The following IFT74 variants were observed in gnomAD, a reference collection of about 807,000 sequenced individuals.
IFT74 encodes the protein intraflagellar transport 74, also known as intraflagellar transport protein 74 homolog.
In IFT74, 92 loss-of-function variants were observed where a neutral mutation model predicts 96.7. The observed-to-expected ratio is 0.95, with a 90% CI of 0.80 to 1.13. The LOEUF is 1.13. Ranked by LOEUF, IFT74 falls within the 50% of genes most tolerant of loss-of-function variation. The pLI, the probability that IFT74 is intolerant of heterozygous loss-of-function variation, is 0.00. For synonymous variants in IFT74, 223 were observed against 213.2 expected, an observed-to-expected ratio of 1.05 and a Z score of -0.40; for missense variants, 811 against 698.2, an observed-to-expected ratio of 1.16 and a Z score of -1.82.
chr9:27,044,797 TA>T lies in IFT74; in HGVS notation c.1108+4del. The T allele has an allele frequency of 6.7e-7, 1 of 1,485,438 alleles. No individual in the cohort carries two copies. Among genetic ancestry groups the T allele is most frequent in the Non-Finnish European group, 9.3e-7 (1 of 1,078,476 alleles). 92.0% of individuals were successfully genotyped at this position (1,485,438 alleles called of 1,614,324 possible). A position where few individuals can be genotyped will look rare whatever the true frequency, so the allele number is the denominator to read the frequency against. On this transcript the variant is annotated splice_donor_region_variant and intron_variant, in intron 14 of 19. Coordinates refer to ENST00000380062, the MANE Select transcript of IFT74 (RefSeq NM_025103.4). ...AGAAAAGGGAGGAACATATGGACAG[TA>T]AGTGATATTCTTGTAGATATAAAAA...
intron 9 of IFT74, among the ~76,000 whole-genome samples, chr9:27,010,265 A>G (rs1171303365): frequency 6.6e-6 from 1 of 152,102 alleles, no homozygotes; most frequent in Non-Finnish European, 1.5e-5. Context: ...CTGGTATTAC[A>G]GGCATGAGCC....
At position 26,975,595 on chromosome 9, in the gene IFT74, C is replaced by T. The variant is rs564733002; in HGVS notation, c.121-2533C>T. Among the ~76,000 whole-genome samples, 68 of 152,290 alleles carry T rather than the reference C, an allele frequency of 4.5e-4. 1 individual carries two copies. The highest frequency in any genetic ancestry group is 8.4e-4 in the Non-Finnish European group (57 of 68,032). ...GCGCTTGGCTGTTTATTTTTCCTGT[C>T]TTACGTGAAACATTTCCCATCTTGG... On this transcript the variant is annotated intron_variant, in intron 2 of 19. Coordinates refer to ENST00000380062, the MANE Select transcript of IFT74 (RefSeq NM_025103.4).
chr9:27,029,034 T>C lies in IFT74; in HGVS notation c.984T>C (p.Asp328=). 1 of 1,595,782 alleles carries C rather than the reference T, an allele frequency of 6.3e-7. No homozygotes were observed. Among genetic ancestry groups the C allele is most frequent in the Non-Finnish European group, 8.6e-7 (1 of 1,169,336 alleles). The change falls in exon 13 of 20, where the codon GAT becomes GAC. Residue 328 remains aspartate (D), a synonymous_variant. Coordinates refer to ENST00000380062, the MANE Select transcript of IFT74 (RefSeq NM_025103.4). ...EIASMERQLT[D]TKEKINQFIE... is the part of the protein sequence containing the mutation. ...AAAATATTTTCAACAGGTTAACAGA[T>C]ACAAAAGAAAAGATAAATCAGTTTA...
intron 4 of IFT74, among the ~76,000 whole-genome samples, chr9:26,981,392 A>G (rs922289124): frequency 2.6e-5 from 4 of 151,256 alleles, no homozygotes; most frequent in African/African-American, 9.7e-5. Flanking sequence ...GATTATAGGC[A>G]TAAGCTACCA....
At chr9:27,012,821 A>G (rs542771802) in intron 10 of IFT74, among the ~76,000 whole-genome samples, 2 of 141,142 alleles carry the variant, frequency 1.4e-5, no homozygotes, top group Non-Finnish European at 3.0e-5. Context: ...GGTTCACGCC[A>G]TTCTCCTGCC....
Position 27,044,903 on chromosome 9 carries a change from G to A in IFT74, c.1108+108G>A, listed in dbSNP as rs1463757435. On this transcript the variant is annotated intron_variant, in intron 14 of 19. Transcript: ENST00000380062. Reference sequence around the variant, plus strand: ...GCAGATATAATGGCTAATAAATGCAGAAGTGTGGACATTCAAAGCATTTTG... The same window carrying A: ...GCAGATATAATGGCTAATAAATGCAAAAGTGTGGACATTCAAAGCATTTTG... 8.4e-6 allele frequency: 5 copies of A among 592,760 alleles called. No individual in the cohort carries two copies. The Admixed American group carries it at 1.3e-4, about 16-fold the overall frequency. The allele number at this position is 592,760 out of a possible 1,614,324, so 36.7% of individuals were successfully genotyped here. A position where few individuals can be genotyped will look rare whatever the true frequency, so the allele number is the denominator to read the frequency against.
chr9:27,008,982 A>G (rs1172661817), intron 8 of IFT74, 38 bp from the exon 9 acceptor site: 3 of 1,534,650 alleles, frequency 2.0e-6, no homozygotes, highest in Non-Finnish European at 2.7e-6. Context: ...TTTTTTCCTC[A>G]ATATAGTATC....
At chr9:27,042,700 C>T (rs1410585910) in intron 13 of IFT74, among the ~76,000 whole-genome samples, 1 of 152,148 alleles carries the variant, frequency 6.6e-6, no homozygotes, top group African/African-American at 2.4e-5. Context: ...AGGCCTCCCT[C>T]CTAATCCCTT....
intron 1 of IFT74, among the ~76,000 whole-genome samples, chr9:26,950,946 A>G (rs776305543): frequency 2.6e-5 from 4 of 152,254 alleles, no homozygotes; most frequent in Non-Finnish European, 5.9e-5. Flanking sequence ...AAATAATTTT[A>G]ATGTTTTTAT....
rs988424498 is a variant in IFT74 at position 26,982,458 on chromosome 9, T to G, written c.306-1799T>G. On this transcript the variant is annotated intron_variant, in intron 4 of 19. Transcript: ENST00000380062. Reference sequence around the variant, plus strand: ...CACTTGGCTAATTTTTGTATTTTTTTTTTTTTTTTTTTTTTGAGACAGAGT... The same window carrying G: ...CACTTGGCTAATTTTTGTATTTTTTGTTTTTTTTTTTTTTTGAGACAGAGT... The G allele has an allele frequency of 1.0e-4, 38 of 371,430 alleles. No homozygotes were observed. In the Admixed American group the frequency reaches 1.3e-3, roughly 13 times the overall value. 23.0% of individuals were successfully genotyped at this position (371,430 alleles called of 1,614,324 possible).
chr9:27,044,722 G>T lies in IFT74; in HGVS notation c.1055-20G>T, dbSNP rs767435930. The T allele has an allele frequency of 1.3e-6, 2 of 1,494,352 alleles. No individual in the cohort carries two copies. The highest frequency in any genetic ancestry group is 2.3e-5 in the East Asian group (1 of 43,838). The allele number at this position is 1,494,352 out of a possible 1,614,324, so 92.6% of individuals were successfully genotyped here. On this transcript the variant is annotated intron_variant, in intron 13 of 19. Transcript: ENST00000380062. ...ATGTGCAATTTTTGAAATTCATGTTGTATTTTATATCTCTCATAGGTGAAA... is the reference window on the plus strand; with the variant it reads ...ATGTGCAATTTTTGAAATTCATGTTTTATTTTATATCTCTCATAGGTGAAA...
chr9:26,979,712 T>C (rs971692092), intron 3 of IFT74, among the ~76,000 whole-genome samples: 7 of 136,694 alleles, frequency 5.1e-5, no homozygotes, highest in Non-Finnish European at 9.3e-5. Context: ...TCTTTTTTTT[T>C]TTTTTTTTTT....
intron 8 of IFT74, among the ~76,000 whole-genome samples, chr9:27,000,931 T>C (rs1347611619): frequency 6.6e-6 from 1 of 152,180 alleles, no homozygotes; most frequent in East Asian, 1.9e-4. Flanking sequence ...TTTGTATGCA[T>C]TAATAAACTT....
chr9:27,062,082 G>T (rs1242806724), intron 19 of IFT74, among the ~76,000 whole-genome samples: 2 of 152,172 alleles, frequency 1.3e-5, no homozygotes, highest in African/African-American at 2.4e-5. Context: ...CTCAGAAGCA[G>T]CCTGGACCCC....
chr9:27,024,871 T>C (rs941453843), intron 12 of IFT74, among the ~76,000 whole-genome samples: 2 of 151,210 alleles, frequency 1.3e-5, no homozygotes, highest in Non-Finnish European at 2.9e-5. Context: ...CAAAATACAT[T>C]GGAAAGTTTC....
At chr9:27,043,602 T>C (rs898194841) in intron 13 of IFT74, among the ~76,000 whole-genome samples, 2 of 152,238 alleles carry the variant, frequency 1.3e-5, no homozygotes, top group Admixed American at 6.5e-5. Context: ...GATTTTTGTC[T>C]CTTTAGACAT....
chr9:26,992,807 C>G (rs1210550399), intron 8 of IFT74, among the ~76,000 whole-genome samples: 1 of 152,182 alleles, frequency 6.6e-6, no homozygotes, highest in East Asian at 1.9e-4. Flanking sequence ...ACACAAAGAT[C>G]TATCTTGACT....
intron 6 of IFT74, among the ~76,000 whole-genome samples, chr9:26,988,409 A>G (rs1188333666): frequency 2.0e-5 from 3 of 152,248 alleles, no homozygotes; most frequent in Non-Finnish European, 4.4e-5. Flanking sequence ...TCCACAAGAT[A>G]TAATATTCAG....
intron 13 of IFT74, among the ~76,000 whole-genome samples, chr9:27,043,417 T>C (rs1819558274): frequency 6.6e-6 from 1 of 152,218 alleles, no homozygotes; most frequent in South Asian, 2.1e-4. Flanking sequence ...TATGCACAGA[T>C]GGAGGTTCAT....
Sources: gnomAD v4.1 joint callset for allele counts (sites outside exome capture counted in the v4.1 genomes callset) on GRCh38, gnomAD v4.1.1 for gene constraint, MANE v1.5 for transcripts, NCBI Gene and HGNC (gene_info 2026-07-23, HGNC 2026-07-21) for gene names.